Variants in NEBL observed in about 807,000 individuals in gnomAD.
The protein encoded by NEBL is nebulette, also known as LIM and SH3 protein 2.
A neutral mutation model predicts 140.2 loss-of-function variants in NEBL; 122 were observed. That is an observed-to-expected ratio of 0.87 (90% CI 0.75 to 1.01). The LOEUF is 1.01. Ranked by LOEUF, NEBL falls within the 50% of genes least tolerant of loss-of-function variation. The pLI is 0.00. For synonymous variants in NEBL, 436 were observed against 398.9 expected, an observed-to-expected ratio of 1.09 and a Z score of -1.11; for missense variants, 1,365 against 1,231.3, an observed-to-expected ratio of 1.11 and a Z score of -1.62.
intron 4 of NEBL, among the ~76,000 whole-genome samples, chr10:20,939,665 T>C (rs1834731796): frequency 6.6e-6 from 1 of 151,988 alleles, no homozygotes; most frequent in African/African-American, 2.4e-5. Context: ...TCAAGACCCA[T>C]CCGTGTGCTG....
intron 3 of NEBL, among the ~76,000 whole-genome samples, chr10:20,985,970 C>G (rs1057023099): frequency 7.2e-5 from 11 of 152,062 alleles, no homozygotes; most frequent in Non-Finnish European, 1.2e-4. Flanking sequence ...AAACATATCC[C>G]TTTAGGTTAA....
intron 2 of NEBL, among the ~76,000 whole-genome samples, chr10:21,105,772 A>G (rs965335069): frequency 6.6e-6 from 1 of 152,188 alleles, no homozygotes; most frequent in Non-Finnish European, 1.5e-5. Context: ...ACTGTTTTCC[A>G]CAATGGTTGA....
At chr10:21,107,298 G>A (rs529701319) in intron 2 of NEBL, among the ~76,000 whole-genome samples, 1 of 152,166 alleles carries the variant, frequency 6.6e-6, no homozygotes, top group Non-Finnish European at 1.5e-5. Flanking sequence ...GATATTGGCT[G>A]TGGGTTTGTC....
chr10:20,792,530 G>A lies in NEBL; in HGVS notation c.2762-5222C>T, dbSNP rs143939431. Among the ~76,000 whole-genome samples, 697 of 152,216 alleles carry A rather than the reference G, an allele frequency of 4.6e-3. 5 individuals carry two copies. Among genetic ancestry groups the A allele is most frequent in the South Asian group, 0.019 (93 of 4,818 alleles). On this transcript the variant is annotated intron_variant, in intron 26 of 27. Transcript: ENST00000377122. ...ATCCTGTCTAGTCCTGGCCGGGCAT[G>A]GTGGCTCACGCCTGTAATCCCAGCA...
intron 2 of NEBL, among the ~76,000 whole-genome samples, chr10:21,079,956 G>A (rs952484494): frequency 2.0e-5 from 3 of 152,252 alleles, no homozygotes; most frequent in East Asian, 3.9e-4. Context: ...AGAGAGGGGC[G>A]GAGTATAGAT....
At chr10:21,240,242 C>CACT (rs1842421789) in intron 3 of NEBL, among the ~76,000 whole-genome samples, 1 of 152,198 alleles carries the variant, frequency 6.6e-6, no homozygotes, top group Non-Finnish European at 1.5e-5. Flanking sequence ...TCTAGCTTTT[C>CACT]AGTGCATTTT....
At chr10:21,288,818 G>GTATATATATATATATATATATATATA (rs757155594) in intron 1 of NEBL, among the ~76,000 whole-genome samples, 21 of 32,642 alleles carry the variant, frequency 6.4e-4, no homozygotes, top group East Asian at 2.0e-3. Context: ...ACGTGTGTGT[G>GTATATATATATATATATATATATATA]TGTATATATA....
At chr10:21,008,576 A>G (rs571811134) in intron 3 of NEBL, among the ~76,000 whole-genome samples, 6 of 152,330 alleles carry the variant, frequency 3.9e-5, no homozygotes, top group African/African-American at 1.4e-4. Flanking sequence ...GATCTGGTAA[A>G]TGCAAATCAA....
chr10:20,986,469 A>C (rs1837262559), intron 3 of NEBL, among the ~76,000 whole-genome samples: 1 of 152,248 alleles, frequency 6.6e-6, no homozygotes, highest in Admixed American at 6.5e-5. Flanking sequence ...TATTAGTGTT[A>C]CAATCAACCC....
chr10:20,915,867 A>G (rs1848534145), intron 4 of NEBL, among the ~76,000 whole-genome samples: 1 of 152,188 alleles, frequency 6.6e-6, no homozygotes, highest in African/African-American at 2.4e-5. Context: ...AAATTTTTAA[A>G]CTTTTGAATT....
chr10:21,020,227 A>G (rs369302001), intron 2 of NEBL: 15 of 1,577,994 alleles, frequency 9.5e-6, no homozygotes, highest in Non-Finnish European at 1.3e-5. Context: ...TTAAAAGGAC[A>G]TAATTAAAAT....
chr10:20,966,301 C>A (rs190708138), intron 3 of NEBL, among the ~76,000 whole-genome samples: 1 of 152,184 alleles, frequency 6.6e-6, no homozygotes, highest in Admixed American at 6.5e-5. Flanking sequence ...AAGCAAGAAT[C>A]AAGAAACCTG....
intron 2 of NEBL, among the ~76,000 whole-genome samples, chr10:21,249,593 A>AT (rs1176579955): frequency 1.9e-4 from 29 of 150,488 alleles, no homozygotes; most frequent in African/African-American, 6.5e-4. Flanking sequence ...TTTTATTTAA[A>AT]TTTTATTTTT....
At chr10:21,091,412 G>A (rs1836905052) in intron 2 of NEBL, among the ~76,000 whole-genome samples, 1 of 152,096 alleles carries the variant, frequency 6.6e-6, no homozygotes, top group Non-Finnish European at 1.5e-5. Flanking sequence ...CTAGCTAGAT[G>A]TTATGTTCTT....
intron 8 of NEBL, among the ~76,000 whole-genome samples, chr10:20,858,900 A>T (rs1843380709): frequency 6.6e-6 from 1 of 152,154 alleles, no homozygotes; most frequent in Non-Finnish European, 1.5e-5. Context: ...AAGTAGCCCC[A>T]TTTTATAGAT....
At chr10:20,884,008 T>G (rs1263353603) in intron 4 of NEBL, among the ~76,000 whole-genome samples, 1 of 152,232 alleles carries the variant, frequency 6.6e-6, no homozygotes, top group Non-Finnish European at 1.5e-5. Context: ...GTCATTATTG[T>G]ATGGTATTTC....
intron 4 of NEBL, among the ~76,000 whole-genome samples, chr10:20,955,021 TA>T: frequency 6.6e-6 from 1 of 152,320 alleles, no homozygotes; most frequent in East Asian, 1.9e-4. Context: ...TAACAGATTT[TA>T]AAAGAGGATG....
chr10:21,006,504 C>T (rs190139726), intron 3 of NEBL, among the ~76,000 whole-genome samples: 93 of 152,318 alleles, frequency 6.1e-4, no homozygotes, highest in Non-Finnish European at 1.1e-3. Context: ...ACCTGTAAAT[C>T]CAACCAGTCC....
At chr10:21,004,562 T>C (rs1186149447) in intron 3 of NEBL, among the ~76,000 whole-genome samples, 2 of 151,928 alleles carry the variant, frequency 1.3e-5, no homozygotes, top group African/African-American at 4.8e-5. Context: ...CTACTAAAAA[T>C]ACAAAAAATC....
Sources: allele counts gnomAD v4.1 joint callset (sites outside exome capture counted in the v4.1 genomes callset), GRCh38; gene constraint gnomAD v4.1.1; transcripts MANE v1.5; gene names NCBI Gene and HGNC (gene_info 2026-07-23, HGNC 2026-07-21).